The following RRAGD variants were observed in gnomAD, a reference collection of about 807,000 sequenced individuals.
RRAGD encodes ras-related GTP-binding protein D.
In RRAGD, 12 loss-of-function variants were observed where a neutral mutation model predicts 35.5. That is an observed-to-expected ratio of 0.34 (90% CI 0.22 to 0.55). The LOEUF is 0.55. Among genes scored for constraint, RRAGD ranks in the 20% least tolerant of loss-of-function variants. The pLI, the probability that RRAGD is intolerant of heterozygous loss-of-function variation, is 0.91. For synonymous variants in RRAGD, 155 were observed against 178.9 expected (o/e 0.87, Z 1.07); for missense variants, 324 against 490.1 (o/e 0.66, Z 3.20).
At chr6:89,386,226 C>A (rs1769135162) in intron 2 of RRAGD, among the ~76,000 whole-genome samples, 1 of 152,196 alleles carries the variant, frequency 6.6e-6, no homozygotes, top group South Asian at 2.1e-4. Flanking sequence ...TCTAAGAGCC[C>A]CAGACATGGA....
chr6:89,368,296 G>A (rs917356859), intron 6 of RRAGD, 89 bp from the exon 7 acceptor site: 5 of 1,210,464 alleles, frequency 4.1e-6, no homozygotes, highest in Non-Finnish European at 5.8e-6. Flanking sequence ...AAGCCAGTAG[G>A]GGGCAGTAGA....
At chr6:89,399,229 A>T (rs1440388550) in intron 1 of RRAGD, among the ~76,000 whole-genome samples, 1 of 152,174 alleles carries the variant, frequency 6.6e-6, no homozygotes, top group Non-Finnish European at 1.5e-5. Context: ...CACCACTGTG[A>T]AGGGGGGAGG....
At chr6:89,408,486 C>T (rs1394836900) in intron 1 of RRAGD, among the ~76,000 whole-genome samples, 1 of 152,142 alleles carries the variant, frequency 6.6e-6, no homozygotes, top group Non-Finnish European at 1.5e-5. Flanking sequence ...AGACCCAGTC[C>T]CTTCCCCACA....
At position 89,366,039 on chromosome 6, in the gene RRAGD, G is replaced by A. The variant is rs142548002; in HGVS notation, c.*2017C>T. 78 of 152,308 alleles carry A rather than the reference G, an allele frequency of 5.1e-4. No homozygotes were observed. Among genetic ancestry groups the A allele is most frequent in the African/African-American group, 1.8e-3 (74 of 41,584 alleles). 9.4% of individuals were successfully genotyped at this position (152,308 alleles called of 1,614,324 possible). On this transcript the variant is annotated 3_prime_UTR_variant, in exon 7 of 7. Transcript: ENST00000369415. Reference sequence around the variant, plus strand: ...CTGGGCTCCTAACCATCCAGGTTTCGGAGTAGGAATCATGAGGAAAGGAGT... The same window carrying A: ...CTGGGCTCCTAACCATCCAGGTTTCAGAGTAGGAATCATGAGGAAAGGAGT...
At chr6:89,372,735 A>G in intron 5 of RRAGD, 150 bp from the exon 6 acceptor site, 1 of 679,592 alleles carries the variant, frequency 1.5e-6, no homozygotes. Flanking sequence ...GCTCAGAAAC[A>G]CACAGGCACA....
intron 1 of RRAGD, among the ~76,000 whole-genome samples, chr6:89,403,190 T>G (rs764196303): frequency 1.3e-5 from 2 of 152,098 alleles, no homozygotes; most frequent in Non-Finnish European, 2.9e-5. Flanking sequence ...GCCTGTAATC[T>G]CAGCACTTTG....
intron 1 of RRAGD, among the ~76,000 whole-genome samples, chr6:89,399,767 A>ATTTT (rs71556518): frequency 0.022 from 2,828 of 130,768 alleles, 180 homozygotes; most frequent in African/African-American, 0.078. Flanking sequence ...ATGCCCAGCT[A>ATTTT]TTTTTTTTTT....
chr6:89,396,243 A>G (rs1393904620), intron 1 of RRAGD, among the ~76,000 whole-genome samples: 1 of 152,142 alleles, frequency 6.6e-6, no homozygotes, highest in Non-Finnish European at 1.5e-5. Flanking sequence ...AAAAGACAGC[A>G]GCAACTCTCA....
At chr6:89,395,105 A>T (rs1433586650) in intron 1 of RRAGD, among the ~76,000 whole-genome samples, 28 of 152,028 alleles carry the variant, frequency 1.8e-4, no homozygotes, top group Admixed American at 1.8e-3. Context: ...AAAAAAATTT[A>T]AAAATTAGCC....
chr6:89,379,459 GC>G, intron 3 of RRAGD, 121 bp from the exon 4 acceptor site: 1 of 443,506 alleles, frequency 2.3e-6, no homozygotes, highest in Non-Finnish European at 4.0e-6. Flanking sequence ...ATACAGTCCA[GC>G]CCCCTTCAGA....
chr6:89,396,598 T>C (rs1008507583), intron 1 of RRAGD, among the ~76,000 whole-genome samples: 1 of 151,920 alleles, frequency 6.6e-6, no homozygotes, highest in Non-Finnish European at 1.5e-5. Context: ...AGCTAATTTT[T>C]TGTAGAGATG....
At chr6:89,382,087 T>G (rs751300056) in intron 2 of RRAGD, among the ~76,000 whole-genome samples, 3 of 151,710 alleles carry the variant, frequency 2.0e-5, no homozygotes, top group Non-Finnish European at 4.4e-5. Flanking sequence ...CCGCCACTTG[T>G]GCCTCCAAAC....
intron 1 of RRAGD, among the ~76,000 whole-genome samples, chr6:89,390,656 G>C (rs1461742346): frequency 6.6e-6 from 1 of 152,210 alleles, no homozygotes; most frequent in Non-Finnish European, 1.5e-5. Flanking sequence ...TCAGCACTTT[G>C]AGAGGTCAAG....
At chr6:89,384,035 G>A (rs1412860175) in intron 2 of RRAGD, among the ~76,000 whole-genome samples, 4 of 151,568 alleles carry the variant, frequency 2.6e-5, no homozygotes, top group South Asian at 2.1e-4. Context: ...CCCAGTTGGC[G>A]GGGATTGCAG....
chr6:89,390,896 T>C (rs1769220368), intron 1 of RRAGD, among the ~76,000 whole-genome samples: 1 of 152,050 alleles, frequency 6.6e-6, no homozygotes, highest in South Asian at 2.1e-4. Flanking sequence ...ACACTCTGTC[T>C]TAAAAAAAGA....
intron 5 of RRAGD, among the ~76,000 whole-genome samples, chr6:89,376,300 G>GGTGTGTGT (rs34484330): frequency 1.1e-4 from 16 of 141,858 alleles, no homozygotes; most frequent in Admixed American, 2.9e-4. Context: ...ATGTGTGTGT[G>GGTGTGTGT]GTGTGTGTGT....
intron 6 of RRAGD, among the ~76,000 whole-genome samples, chr6:89,369,570 C>A (rs542608532): frequency 4.1e-4 from 63 of 152,192 alleles, no homozygotes; most frequent in Non-Finnish European, 7.6e-4. Context: ...CCTCCCACCT[C>A]ATTTTTGAAT....
Position 89,408,444 on chromosome 6 carries a change from A to G in RRAGD, c.148+3402T>C, listed in dbSNP as rs188854255. Among the ~76,000 whole-genome samples the G allele has an allele frequency of 2.0e-5, 3 of 152,294 alleles. No individual in the cohort carries two copies. The East Asian group carries it at 5.8e-4, about 29-fold the overall frequency. Reference sequence around the variant, plus strand: ...TGAAGCAGGAAGATTGCTTGAGCCCACAAGTCCGAGACCAGCCTAGGCAAT... The same window carrying G: ...TGAAGCAGGAAGATTGCTTGAGCCCGCAAGTCCGAGACCAGCCTAGGCAAT... On this transcript the variant is annotated intron_variant, in intron 1 of 6. Transcript: ENST00000369415.
At chr6:89,396,424 T>A (rs189558388) in intron 1 of RRAGD, among the ~76,000 whole-genome samples, 2 of 152,000 alleles carry the variant, frequency 1.3e-5, no homozygotes, top group East Asian at 3.9e-4. Flanking sequence ...AATTTTATTT[T>A]ATTTATTTAT....
Sources: allele counts gnomAD v4.1 joint callset (sites outside exome capture counted in the v4.1 genomes callset), GRCh38; gene constraint gnomAD v4.1.1; transcripts MANE v1.5; gene names NCBI Gene and HGNC (gene_info 2026-07-23, HGNC 2026-07-21).